Variants in NAA35 observed in about 807,000 individuals in gnomAD.
NAA35 encodes MAK10 homolog, amino-acid N-acetyltransferase subunit.
A neutral mutation model predicts 101.7 loss-of-function variants in NAA35; 18 were observed. That is an observed-to-expected ratio of 0.18 (90% CI 0.12 to 0.26). The LOEUF (loss-of-function observed/expected upper bound fraction) is 0.26, where lower values mean the gene tolerates loss of function less well. Ranked by LOEUF, NAA35 falls within the 10% of genes least tolerant of loss-of-function variation. NAA35 has a pLI of 1.00. For missense variants in NAA35, 601 were observed against 886.8 expected (o/e 0.68, Z 4.09); for synonymous variants, 267 against 273.1 (o/e 0.98, Z 0.22).
At chr9:85,980,959 C>T (rs1830413454) in intron 11 of NAA35, among the ~76,000 whole-genome samples, 1 of 152,148 alleles carries the variant, frequency 6.6e-6, no homozygotes, top group Non-Finnish European at 1.5e-5. Context: ...ACACCTCATT[C>T]CTTTTCCACA....
chr9:85,955,523 T>TGTCC (rs1829234760), intron 2 of NAA35, among the ~76,000 whole-genome samples: 1 of 151,052 alleles, frequency 6.6e-6, no homozygotes, highest in East Asian at 1.9e-4. Context: ...CCACCACACC[T>TGTCC]GGCTAATTTT....
At chr9:86,014,016 T>C (rs1003164295) in intron 17 of NAA35, 119 bp downstream of exon 17, 3 of 771,340 alleles carry the variant, frequency 3.9e-6, no homozygotes, top group African/African-American at 3.5e-5. Context: ...TGTGGGACAG[T>C]TGGAAAAATT....
In NAA35 at chr9:85,951,293, A is replaced by G. The variant is rs191931464; in HGVS notation, c.125-5067A>G. 2.9e-3 allele frequency among the ~76,000 whole-genome samples: 442 copies of G among 152,348 alleles called. 5 individuals are homozygous for G. The South Asian group carries it at 0.034, about 12-fold the overall frequency. ...TCAATGTCTGGCATAACAGAGGGCA[A>G]TTGAATTCTCATATTTGCTTCTGTA... On this transcript the variant is annotated intron_variant, in intron 2 of 22. Coordinates refer to ENST00000361671, the MANE Select transcript of NAA35 (RefSeq NM_024635.4).
chr9:85,958,258 C>A (rs1445957449), intron 3 of NAA35, among the ~76,000 whole-genome samples: 2 of 152,098 alleles, frequency 1.3e-5, no homozygotes, highest in Non-Finnish European at 2.9e-5. Flanking sequence ...TTTTCTTCCT[C>A]ACAGTGCATG....
intron 11 of NAA35, among the ~76,000 whole-genome samples, chr9:85,993,196 C>T (rs1052581048): frequency 7.9e-5 from 12 of 152,024 alleles, no homozygotes; most frequent in Non-Finnish European, 1.3e-4. Flanking sequence ...TTTTTGAGAC[C>T]GAGTTTCACT....
At chr9:86,007,224 C>T (rs1226442664) in intron 13 of NAA35, 134 bp from the exon 14 acceptor site, 2 of 519,698 alleles carry the variant, frequency 3.8e-6, no homozygotes, top group African/African-American at 3.9e-5. Context: ...GAGACAGCAA[C>T]TTATAAAAAA....
At position 86,018,733 on chromosome 9, in the gene NAA35, C is replaced by T; in HGVS notation, c.1949C>T (p.Pro650Leu). ...GACCTCAATAAATATAGCCCTCCTC[C>T]TCAGTCTCCTGAACTGTATGTGGCA... ...MSDLNKYSPP[P>L]QSPELYVAAS... is the part of the protein sequence containing the mutation. Residue 650 changes from proline (P) to leucine (L), a missense_variant, in exon 21 of 23, where the codon CCT becomes CTT. This residue lies in a region of NAA35 where 90 missense variants were observed against 108.7 expected (regional missense o/e 0.83). Coordinates refer to ENST00000361671, the MANE Select transcript of NAA35 (RefSeq NM_024635.4). 1.2e-6 allele frequency: 2 copies of T among 1,614,050 alleles called. No individual in the cohort carries two copies. Among genetic ancestry groups the T allele is most frequent in the Non-Finnish European group, 1.7e-6 (2 of 1,179,984 alleles).
rs1163694509 is a variant in NAA35 at position 85,996,585 on chromosome 9, C to T, written c.1056+8C>T. On this transcript the variant is annotated splice_region_variant and intron_variant, in intron 12 of 22. Coordinates refer to ENST00000361671, the MANE Select transcript of NAA35 (RefSeq NM_024635.4). The stretch of plus-strand genomic sequence containing the variant: ...AATTTACATTGTATCCTGGTAAGTA[C>T]AAATCTCTGTTCCAGAATGTAACTT... The T allele has an allele frequency of 2.0e-6, 3 of 1,523,278 alleles. No homozygotes were observed. Among genetic ancestry groups the T allele is most frequent in the Non-Finnish European group, 2.6e-6 (3 of 1,140,226 alleles). 94.4% of individuals were successfully genotyped at this position (1,523,278 alleles called of 1,614,324 possible).
chr9:86,018,355 G>A lies in NAA35; in HGVS notation c.1874G>A (p.Ser625Asn), dbSNP rs1832337004. 15 of 1,613,776 alleles carry A rather than the reference G, an allele frequency of 9.3e-6. No homozygotes were observed. Among genetic ancestry groups the A allele is most frequent in the Non-Finnish European group, 1.3e-5 (15 of 1,179,814 alleles). Reference sequence around the variant, plus strand: ...GAACACAGGTTTGCTCCATTCAACAGTGTGATGACCCCGCCGCCAGTGCAC... The same window carrying A: ...GAACACAGGTTTGCTCCATTCAACAATGTGATGACCCCGCCGCCAGTGCAC... ...RYEHRFAPFN[S>N]VMTPPPVHYL... The change falls in exon 20 of 23, where the codon AGT becomes AAT. Residue 625 changes from serine to asparagine, a missense_variant. Coordinates refer to ENST00000361671, the MANE Select transcript of NAA35 (RefSeq NM_024635.4).
chr9:85,969,603 C>G (rs1378267116), intron 6 of NAA35, among the ~76,000 whole-genome samples: 2 of 152,080 alleles, frequency 1.3e-5, no homozygotes, highest in Middle Eastern at 3.2e-3. Flanking sequence ...ATAATATTGT[C>G]CTTCATCTTC....
chr9:85,974,020 G>A (rs969703479), intron 6 of NAA35, among the ~76,000 whole-genome samples: 6 of 151,828 alleles, frequency 4.0e-5, no homozygotes, highest in Non-Finnish European at 1.5e-5. Context: ...GCAGTGGCTC[G>A]ATCTCTGCTC....
At chr9:85,994,377 C>T (rs866796629) in intron 11 of NAA35, among the ~76,000 whole-genome samples, 1 of 152,134 alleles carries the variant, frequency 6.6e-6, no homozygotes, top group Non-Finnish European at 1.5e-5. Context: ...GTTCTAGGTC[C>T]CTCATACAAG....
chr9:86,017,164 C>T (rs1055617287), intron 18 of NAA35, among the ~76,000 whole-genome samples: 1 of 152,232 alleles, frequency 6.6e-6, no homozygotes, highest in African/African-American at 2.4e-5. Flanking sequence ...TAAAATACTA[C>T]TTCATATTTC....
chr9:85,957,836 C>T (rs952602486), intron 3 of NAA35, among the ~76,000 whole-genome samples: 7 of 152,160 alleles, frequency 4.6e-5, no homozygotes, highest in East Asian at 1.9e-4. Flanking sequence ...CAGATTTGAG[C>T]GTGTGCCAGA....
chr9:85,973,398 A>G (rs1224067210), intron 6 of NAA35, among the ~76,000 whole-genome samples: 1 of 152,198 alleles, frequency 6.6e-6, no homozygotes, highest in African/African-American at 2.4e-5. Context: ...CTAGTGTGGT[A>G]GGTGGGGGAG....
chr9:85,954,509 AT>A (rs367627427), intron 2 of NAA35, among the ~76,000 whole-genome samples: 75 of 151,642 alleles, frequency 4.9e-4, no homozygotes, highest in African/African-American at 1.7e-3. Context: ...TTCTGCAGGG[AT>A]TTTTTTTTGT....
intron 12 of NAA35, among the ~76,000 whole-genome samples, 183 bp from the exon 13 acceptor site, chr9:86,003,402 A>C (rs953654646): frequency 6.6e-6 from 1 of 152,136 alleles, no homozygotes; most frequent in African/African-American, 2.4e-5. Flanking sequence ...TAGAGTCTAG[A>C]ATTATCCATT....
intron 22 of NAA35, among the ~76,000 whole-genome samples, chr9:86,021,409 AG>A (rs1246641669): frequency 6.6e-6 from 1 of 152,154 alleles, no homozygotes; most frequent in African/African-American, 2.4e-5. Context: ...TTCAGAGCAG[AG>A]ATTCTGCGCT....
chr9:86,011,795 AATTAC>A (rs950883101), intron 15 of NAA35, among the ~76,000 whole-genome samples: 76 of 146,210 alleles, frequency 5.2e-4, no homozygotes, highest in African/African-American at 1.8e-3. Context: ...TATTATATAT[AATTAC>A]ATTATATATG....
Sources: allele counts gnomAD v4.1 joint callset (sites outside exome capture counted in the v4.1 genomes callset), GRCh38; gene constraint gnomAD v4.1.1; regional missense constraint gnomAD v4.1.1; transcripts MANE v1.5; gene names NCBI Gene and HGNC (gene_info 2026-07-23, HGNC 2026-07-21).